AGAP3: variants seen among roughly 807,000 people sequenced by gnomAD.
AGAP3 encodes the protein ArfGAP with GTPase domain, ankyrin repeat and PH domain 3.
A neutral mutation model predicts 96.9 loss-of-function variants in AGAP3; 24 were observed. That is an observed-to-expected ratio of 0.25 (90% confidence interval 0.18 to 0.35). AGAP3 has a LOEUF of 0.35. Among genes scored for constraint, AGAP3 ranks in the 10% least tolerant of loss-of-function variants. The pLI is 1.00. For synonymous variants in AGAP3, 563 were observed against 536.1 expected (o/e 1.05, Z -0.69); for missense variants, 876 against 1,254.2 (o/e 0.70, Z 4.55).
chr7:151,120,190 A>G, intron 8 of AGAP3, 45 bp downstream of exon 8: 1 of 1,549,690 alleles, frequency 6.5e-7, no homozygotes, highest in Non-Finnish European at 8.7e-7. Context: ...TTTGCTGCAC[A>G]GGCAGGGCTG....
In AGAP3 at chr7:151,117,677, G is replaced by A; in HGVS notation, c.606G>A (p.Leu202=). Residue 202 remains leucine, a synonymous_variant, in exon 5 of 18, where the codon CTG becomes CTA. Transcript: ENST00000397238. ...ATGCAGTGGTGTTTGTGTTCAGCCT[G>A]GAGGATGAAATCAGTTTCCAGACGG... ...WVDAVVFVFS[L]EDEISFQTVY... The A allele has an allele frequency of 6.2e-7, 1 of 1,614,224 alleles. No homozygotes were observed. Among genetic ancestry groups the A allele is most frequent in the Non-Finnish European group, 8.5e-7 (1 of 1,180,022 alleles).
At chr7:151,107,035 C>A (rs988505377) in intron 1 of AGAP3, among the ~76,000 whole-genome samples, 2 of 148,932 alleles carry the variant, frequency 1.3e-5, no homozygotes, top group African/African-American at 4.9e-5. Flanking sequence ...TGCGGCCGGG[C>A]GTGGTGGCTC....
chr7:151,126,297 C>T (rs1563500041), intron 9 of AGAP3, among the ~76,000 whole-genome samples: 1 of 151,936 alleles, frequency 6.6e-6, no homozygotes, highest in Non-Finnish European at 1.5e-5. Context: ...GGAGAAACCG[C>T]GCGCAGTGCA....
chr7:151,112,998 T>A (rs1332848670), intron 1 of AGAP3, among the ~76,000 whole-genome samples: 1 of 152,082 alleles, frequency 6.6e-6, no homozygotes, highest in Non-Finnish European at 1.5e-5. Flanking sequence ...CCTCCCAAAG[T>A]GTTGGGATTA....
chr7:151,112,293 C>T (rs912742519), intron 1 of AGAP3: 1 of 152,240 alleles, frequency 6.6e-6, no homozygotes, highest in African/African-American at 2.4e-5. Context: ...CCAGGTGGCA[C>T]TTTCTCCTTG....
At chr7:151,125,847 AGGC>A (rs1189457642) in intron 9 of AGAP3, among the ~76,000 whole-genome samples, 1 of 152,186 alleles carries the variant, frequency 6.6e-6, no homozygotes, top group African/African-American at 2.4e-5. Context: ...GCTGGGAGGG[AGGC>A]GGCGGCGGGA....
In AGAP3 at chr7:151,139,851, G is replaced by A. The variant is rs1345361031; in HGVS notation, c.1667-128G>A. On this transcript the variant is annotated intron_variant, in intron 12 of 17. Coordinates refer to ENST00000397238, the MANE Select transcript of AGAP3 (RefSeq NM_031946.7). The surrounding 1 kb of genome is among the most constrained non-coding windows in gnomAD (Gnocchi z 4.9). ...AGACCTCGCCTAGAGAGAGGTGTCC[G>A]TCTGGCTCTCCTGAGTGTGGCCCAG... 1.5e-5 allele frequency: 14 copies of A among 911,540 alleles called. No individual in the cohort carries two copies. The highest frequency in any genetic ancestry group is 4.1e-5 in the Admixed American group (1 of 24,158). 56.5% of individuals were successfully genotyped at this position (911,540 alleles called of 1,614,324 possible).
At chr7:151,102,499 CA>C (rs1798870484) in intron 1 of AGAP3, among the ~76,000 whole-genome samples, 1 of 148,030 alleles carries the variant, frequency 6.8e-6, no homozygotes, top group Admixed American at 6.9e-5. Flanking sequence ...GTTGCTCACG[CA>C]AGTAATCCCA....
intron 8 of AGAP3, among the ~76,000 whole-genome samples, chr7:151,121,295 T>C (rs566860516): frequency 5.3e-4 from 80 of 152,238 alleles, no homozygotes; most frequent in Middle Eastern, 6.8e-3. Context: ...CCTGCCTAAA[T>C]GTGCAGCTTC....
chr7:151,131,879 G>C (rs901713668), intron 10 of AGAP3, among the ~76,000 whole-genome samples: 4 of 152,186 alleles, frequency 2.6e-5, no homozygotes, highest in African/African-American at 9.7e-5. Flanking sequence ...TGACCTCCTT[G>C]TGAACTAGAG....
At chr7:151,095,838 A>G (rs1383988649) in intron 1 of AGAP3, among the ~76,000 whole-genome samples, 1 of 146,406 alleles carries the variant, frequency 6.8e-6, no homozygotes, top group East Asian at 2.0e-4. Context: ...CCCCATTATT[A>G]CTTCTAGATT....
rs76225039 is a variant in AGAP3 at position 151,116,171 on chromosome 7, G to A, written c.332-622G>A. 4.6e-3 allele frequency: 695 copies of A among 152,694 alleles called. 1 individual carries two copies. The highest frequency in any genetic ancestry group is 7.7e-3 in the Non-Finnish European group (526 of 68,326). The allele number at this position is 152,694 out of a possible 1,614,324, so 9.5% of individuals were successfully genotyped here. A position where few individuals can be genotyped will look rare whatever the true frequency, so the allele number is the denominator to read the frequency against. Reference sequence around the variant, plus strand: ...AAGGGACTTGCCAGTCAGGTTCTGAGGACAGACTGAAGGGAAGGGAGCCCA... The same window carrying A: ...AAGGGACTTGCCAGTCAGGTTCTGAAGACAGACTGAAGGGAAGGGAGCCCA... On this transcript the variant is annotated intron_variant, in intron 1 of 17. Transcript: ENST00000397238.
rs377473558 is a variant in AGAP3, at chr7:151,087,090, C to T, written c.331+18C>T. The T allele has an allele frequency of 3.8e-6, 6 of 1,576,262 alleles. No homozygotes were observed. The highest frequency in any genetic ancestry group is 5.2e-6 in the Non-Finnish European group (6 of 1,160,940). ...CATCGAGGGTGAGCGGAGCCGGGGGCTGCGGGAGCCGGGGCGCAGTGGCCT... is the reference window on the plus strand; with the variant it reads ...CATCGAGGGTGAGCGGAGCCGGGGGTTGCGGGAGCCGGGGCGCAGTGGCCT... On this transcript the variant is annotated intron_variant, in intron 1 of 17. Coordinates refer to ENST00000397238, the MANE Select transcript of AGAP3 (RefSeq NM_031946.7).
chr7:151,125,578 C>G (rs1204868279), intron 9 of AGAP3, among the ~76,000 whole-genome samples: 3 of 152,220 alleles, frequency 2.0e-5, no homozygotes, highest in Non-Finnish European at 4.4e-5. Context: ...CGCTGCTTCC[C>G]GTTCTGTAAC....
chr7:151,142,381 G>A lies in AGAP3; in HGVS notation c.2051-31G>A. 1 of 1,605,332 alleles carries A rather than the reference G, an allele frequency of 6.2e-7. No individual in the cohort carries two copies. The highest frequency in any genetic ancestry group is 2.2e-5 in the East Asian group (1 of 44,674). ...CCCGCGCTCTGGTGGCCTGCCTGCT[G>A]TCGCTGTATCATTCTCCTCTCCTTG... On this transcript the variant is annotated intron_variant, in intron 15 of 17. Transcript: ENST00000397238. This position sits in a 1 kb window ranked among gnomAD's most constrained non-coding sequence, Gnocchi z 7.5.
At chr7:151,117,992 T>A (rs1284993801) in intron 5 of AGAP3, 1 of 884,226 alleles carries the variant, frequency 1.1e-6, no homozygotes, top group African/African-American at 1.7e-5. Context: ...TGTGTTTTTT[T>A]AGATGAATAA....
intron 12 of AGAP3, 149 bp downstream of exon 12, chr7:151,138,462 C>A: frequency 2.2e-6 from 2 of 900,690 alleles, no homozygotes; most frequent in African/African-American, 1.7e-5. Flanking sequence ...CTGGGCTTGT[C>A]AGAGAGACCC....
In AGAP3 at chr7:151,118,172, C is replaced by T. The variant is rs1328458071; in HGVS notation, c.707-38C>T. On this transcript the variant is annotated intron_variant, in intron 5 of 17. Transcript: ENST00000397238. This position sits in a 1 kb window ranked among gnomAD's most constrained non-coding sequence, Gnocchi z 6.1. ...CCCCACCACACTACCCCAGCTTCTC[C>T]GAAAGCTGAATGACTCCCGCCCTCC... is the stretch of plus-strand genomic sequence containing the variant. 22 of 1,578,330 alleles carry T rather than the reference C, an allele frequency of 1.4e-5. No homozygotes were observed. Among genetic ancestry groups the T allele is most frequent in the East Asian group, 2.3e-5 (1 of 44,302 alleles).
At chr7:151,105,935 C>T (rs896929555) in intron 1 of AGAP3, among the ~76,000 whole-genome samples, 5 of 148,888 alleles carry the variant, frequency 3.4e-5, no homozygotes, top group African/African-American at 9.9e-5. Context: ...AGTATTTTGA[C>T]GTCTGCCCCC....
Sources: gnomAD v4.1 joint callset for allele counts (sites outside exome capture counted in the v4.1 genomes callset) on GRCh38, gnomAD v4.1.1 for gene constraint, Gnocchi (gnomAD v3.1) non-coding constraint, MANE v1.5 for transcripts, NCBI Gene and HGNC (gene_info 2026-07-23, HGNC 2026-07-21) for gene names.